The following SLC35F1 variants were observed in gnomAD, a reference collection of about 807,000 sequenced individuals.
The protein encoded by SLC35F1 is chromosome 6 open reading frame 169.
Under a neutral mutation model 48.7 loss-of-function variants are expected in SLC35F1, and 14 were observed. The ratio of observed to expected loss-of-function variants is 0.29; its 90% CI spans 0.19 to 0.45. SLC35F1 has a LOEUF of 0.45. Ranked by LOEUF, SLC35F1 falls within the 20% of genes least tolerant of loss-of-function variation. The pLI is 1.00. For missense variants in SLC35F1, 404 were observed against 500.0 expected, an observed-to-expected ratio of 0.81 and a Z score of 1.83; for synonymous variants, 190 against 202.2, an observed-to-expected ratio of 0.94 and a Z score of 0.51.
At chr6:118,255,287 A>G (rs572099662) in intron 3 of SLC35F1, among the ~76,000 whole-genome samples, 1 of 152,320 alleles carries the variant, frequency 6.6e-6, no homozygotes, top group East Asian at 1.9e-4. Context: ...AATGGGAAAA[A>G]TAAGAACATG....
At chr6:118,173,101 T>TA (rs1774431120) in intron 2 of SLC35F1, among the ~76,000 whole-genome samples, 1 of 152,122 alleles carries the variant, frequency 6.6e-6, no homozygotes, top group African/African-American at 2.4e-5. Context: ...TAGGTCATCT[T>TA]ACAGATGAGA....
chr6:118,173,391 AAAAACAAAAAAC>A (rs1774437186), intron 2 of SLC35F1, among the ~76,000 whole-genome samples: 2 of 129,444 alleles, frequency 1.5e-5, no homozygotes, highest in African/African-American at 7.9e-5. Flanking sequence ...TAGTTAAAAA[AAAAACAAAAAAC>A]AAAAAAAAAA....
At chr6:117,946,374 T>A (rs1776295419) in intron 1 of SLC35F1, among the ~76,000 whole-genome samples, 1 of 152,192 alleles carries the variant, frequency 6.6e-6, no homozygotes, top group Admixed American at 6.5e-5. Flanking sequence ...TAAAAAATAA[T>A]GGCTGATTTT....
intron 1 of SLC35F1, among the ~76,000 whole-genome samples, chr6:118,113,090 G>A (rs1159119767): frequency 6.6e-6 from 1 of 151,992 alleles, no homozygotes; most frequent in Non-Finnish European, 1.5e-5. Flanking sequence ...AATTTTTAAT[G>A]TATTTTTATT....
At chr6:118,307,160 G>A (rs1179409354) in intron 7 of SLC35F1, among the ~76,000 whole-genome samples, 1 of 152,176 alleles carries the variant, frequency 6.6e-6, no homozygotes, top group African/African-American at 2.4e-5. Context: ...CAATGATTTG[G>A]TTTTCTGATA....
At chr6:117,974,732 A>G (rs1432825596) in intron 1 of SLC35F1, among the ~76,000 whole-genome samples, 1 of 152,224 alleles carries the variant, frequency 6.6e-6, no homozygotes, top group Non-Finnish European at 1.5e-5. Context: ...AATATTTATG[A>G]CATGTCCAAA....
At chr6:118,152,206 T>C (rs1242282558) in intron 1 of SLC35F1, among the ~76,000 whole-genome samples, 1 of 152,092 alleles carries the variant, frequency 6.6e-6, no homozygotes, top group Non-Finnish European at 1.5e-5. Context: ...TTTTTGGAAA[T>C]AATAACTTAT....
chr6:118,200,505 A>G (rs1774861020), intron 2 of SLC35F1, among the ~76,000 whole-genome samples: 1 of 152,208 alleles, frequency 6.6e-6, no homozygotes, highest in Non-Finnish European at 1.5e-5. Flanking sequence ...GAGTCCCTCA[A>G]GGAATAGAAG....
At chr6:117,916,241 G>C (rs1490752103) in intron 1 of SLC35F1, among the ~76,000 whole-genome samples, 3 of 152,184 alleles carry the variant, frequency 2.0e-5, no homozygotes, top group African/African-American at 7.2e-5. Flanking sequence ...TAATATTTAA[G>C]AATCGGGTCT....
At chr6:118,242,928 G>A (rs1217516833) in intron 3 of SLC35F1, among the ~76,000 whole-genome samples, 1 of 152,168 alleles carries the variant, frequency 6.6e-6, no homozygotes, top group Non-Finnish European at 1.5e-5. Flanking sequence ...ATATTTCACA[G>A]CTCTTCAGAT....
intron 1 of SLC35F1, among the ~76,000 whole-genome samples, chr6:117,988,966 C>T (rs4945603): frequency 0.36 from 55,054 of 152,030 alleles, 10,620 homozygotes; most frequent in South Asian, 0.51. Flanking sequence ...GAAAAACAGT[C>T]CTACTTTGTA....
At chr6:118,242,074 C>T (rs867041749) in intron 3 of SLC35F1, among the ~76,000 whole-genome samples, 44 of 152,172 alleles carry the variant, frequency 2.9e-4, no homozygotes, top group African/African-American at 1.1e-3. Context: ...ATTCATTTCT[C>T]TGGGATAAAT....
chr6:118,149,968 A>G (rs1774031181), intron 1 of SLC35F1, among the ~76,000 whole-genome samples: 1 of 152,178 alleles, frequency 6.6e-6, no homozygotes, highest in Non-Finnish European at 1.5e-5. Context: ...CTCAATCAGG[A>G]CACACAGTAT....
At chr6:118,275,030 G>T (rs1160026873) in intron 4 of SLC35F1, among the ~76,000 whole-genome samples, 1 of 152,162 alleles carries the variant, frequency 6.6e-6, no homozygotes, top group Non-Finnish European at 1.5e-5. Flanking sequence ...ATAGACATTA[G>T]CCAGGTGTGG....
chr6:117,949,279 G>T (rs574099783), intron 1 of SLC35F1, among the ~76,000 whole-genome samples: 5 of 152,122 alleles, frequency 3.3e-5, no homozygotes, highest in Admixed American at 6.5e-5. Context: ...TTGTGCTTCT[G>T]ATGCTGACAA....
intron 6 of SLC35F1, among the ~76,000 whole-genome samples, chr6:118,279,662 GTCACAGAGGCAGGGAGATA>G (rs1244371370): frequency 1.3e-5 from 2 of 152,132 alleles, no homozygotes; most frequent in Non-Finnish European, 2.9e-5. Flanking sequence ...CAATTCATGG[GTCACAGAGGCAGGGAGATA>G]TCAAGGGAAG....
At chr6:118,121,487 G>A (rs1398533132) in intron 1 of SLC35F1, among the ~76,000 whole-genome samples, 1 of 152,188 alleles carries the variant, frequency 6.6e-6, no homozygotes, top group Non-Finnish European at 1.5e-5. Context: ...GCAGAGCAAA[G>A]ATGTGAACCC....
At chr6:117,936,626 C>A (rs567351876) in intron 1 of SLC35F1, among the ~76,000 whole-genome samples, 1 of 152,164 alleles carries the variant, frequency 6.6e-6, no homozygotes, top group Admixed American at 6.5e-5. Flanking sequence ...TGAATTTATT[C>A]TTTTTAAAAA....
chr6:118,005,075 G>C (rs9489295), intron 1 of SLC35F1, among the ~76,000 whole-genome samples: 35,203 of 152,116 alleles, frequency 0.23, 4,207 homozygotes, highest in East Asian at 0.3. Context: ...ATTCTGAGAA[G>C]AGTTTCCAGA....
Sources: gnomAD v4.1 joint callset for allele counts (sites outside exome capture counted in the v4.1 genomes callset) on GRCh38, gnomAD v4.1.1 for gene constraint, MANE v1.5 for transcripts, NCBI Gene and HGNC (gene_info 2026-07-23, HGNC 2026-07-21) for gene names.